The following LARGE1 variants were observed in gnomAD, a reference collection of about 807,000 sequenced individuals.
LARGE1 encodes the protein xylosyl- and glucuronyltransferase LARGE1.
Under a neutral mutation model 87.6 loss-of-function variants are expected in LARGE1, and 43 were observed. The observed-to-expected ratio is 0.49, with a 90% CI of 0.38 to 0.63. The LOEUF is 0.63. Among genes scored for constraint, LARGE1 ranks in the 30% least tolerant of loss-of-function variants. The pLI is 0.00. For missense variants in LARGE1, 802 were observed against 1,000.2 expected (o/e 0.80, Z 2.67); for synonymous variants, 434 against 394.6 (o/e 1.10, Z -1.18).
chr22:33,863,747 G>A (rs1456220450), intron 1 of LARGE1, among the ~76,000 whole-genome samples: 1 of 150,534 alleles, frequency 6.6e-6, no homozygotes, highest in African/African-American at 2.5e-5. Flanking sequence ...CAGCCTGGAT[G>A]ACAGAGCGAG....
At chr22:33,790,472 T>C (rs1032835635) in intron 1 of LARGE1, among the ~76,000 whole-genome samples, 8 of 145,294 alleles carry the variant, frequency 5.5e-5, no homozygotes, top group Non-Finnish European at 7.8e-5. Flanking sequence ...TTTAAACCAA[T>C]TTTTTTTTCT....
intron 6 of LARGE1, among the ~76,000 whole-genome samples, chr22:33,482,622 C>G (rs1473370875): frequency 6.6e-6 from 1 of 152,052 alleles, no homozygotes; most frequent in Non-Finnish European, 1.5e-5. Context: ...TGCAGCAAAC[C>G]ATCATGGCAC....
At chr22:33,126,603 G>A in the LARGE1 span, among the ~76,000 whole-genome samples, 3 of 152,172 alleles carry the variant, frequency 2.0e-5, no homozygotes, top group African/African-American at 7.2e-5. Context: ...AAAAAGCTAT[G>A]TTCTTTGTGG....
chr22:33,789,284 G>T (rs1352206647), intron 1 of LARGE1, among the ~76,000 whole-genome samples: 2 of 152,228 alleles, frequency 1.3e-5, no homozygotes, highest in Non-Finnish European at 2.9e-5. Flanking sequence ...GGGCCTGGGG[G>T]TAAAGAGAAG....
At chr22:33,086,610 C>T in the LARGE1 span, among the ~76,000 whole-genome samples, 13 of 142,322 alleles carry the variant, frequency 9.1e-5, no homozygotes, top group Admixed American at 3.0e-4. Flanking sequence ...TAGAGTGCAG[C>T]GGCGTGATCT....
chr22:33,122,758 A>T, the LARGE1 span, among the ~76,000 whole-genome samples: 1 of 152,222 alleles, frequency 6.6e-6, no homozygotes, highest in Non-Finnish European at 1.5e-5. Context: ...ACTCCTGTAC[A>T]AACTTCCCTG....
At chr22:33,531,977 C>A (rs1375438399) in intron 6 of LARGE1, among the ~76,000 whole-genome samples, 1 of 152,206 alleles carries the variant, frequency 6.6e-6, no homozygotes, top group Non-Finnish European at 1.5e-5. Context: ...CCTGAAGCCT[C>A]AGGAGTGCCT....
At chr22:33,648,302 G>A (rs569779052) in intron 3 of LARGE1, among the ~76,000 whole-genome samples, 37 of 152,308 alleles carry the variant, frequency 2.4e-4, no homozygotes, top group Admixed American at 3.3e-4. Context: ...GATTACAGAA[G>A]GAAGAGAAAT....
chr22:33,716,277 TAAA>T (rs2082905325), intron 2 of LARGE1, among the ~76,000 whole-genome samples: 1 of 152,202 alleles, frequency 6.6e-6, no homozygotes, highest in African/African-American at 2.4e-5. Context: ...ATATTTATAC[TAAA>T]AAAATTGGCC....
the LARGE1 span, among the ~76,000 whole-genome samples, chr22:33,103,560 C>T: frequency 4.3e-3 from 651 of 151,098 alleles, 6 homozygotes; most frequent in Admixed American, 6.1e-3. Flanking sequence ...GAGATGTGCT[C>T]TTGCTGGGCT....
intron 2 of LARGE1, among the ~76,000 whole-genome samples, chr22:33,665,291 TC>T (rs2081236083): frequency 6.6e-6 from 1 of 152,190 alleles, no homozygotes; most frequent in Non-Finnish European, 1.5e-5. Context: ...TATTTGCCTG[TC>T]TCCACCTCAT....
chr22:33,467,352 G>T (rs1601970802), intron 6 of LARGE1, among the ~76,000 whole-genome samples: 2 of 152,312 alleles, frequency 1.3e-5, no homozygotes, highest in East Asian at 3.9e-4. Flanking sequence ...CCAATCTCAA[G>T]CTGTTTTCCT....
intron 1 of LARGE1, among the ~76,000 whole-genome samples, chr22:33,868,756 T>A (rs1162962572): frequency 1.3e-5 from 2 of 152,186 alleles, no homozygotes; most frequent in Non-Finnish European, 2.9e-5. Context: ...ACCTATCATG[T>A]CAAATCCCAA....
intron 11 of LARGE1, among the ~76,000 whole-genome samples, chr22:33,240,313 A>G (rs1926452753): frequency 6.6e-6 from 1 of 152,168 alleles, no homozygotes; most frequent in Non-Finnish European, 1.5e-5. Flanking sequence ...GTCTTTGCTC[A>G]TTTTTATTAG....
chr22:33,117,162 A>C, the LARGE1 span, among the ~76,000 whole-genome samples: 22 of 152,338 alleles, frequency 1.4e-4, no homozygotes, highest in East Asian at 4.2e-3. Context: ...CTACCTTCCT[A>C]GTTACCTTCC....
At position 33,675,006 on chromosome 22, in the gene LARGE1, C is replaced by T. The variant is rs578083276; in HGVS notation, c.107-24338G>A. ...AAGTTTGTTTGCTTAAAAATGAACA[C>T]AAGAGGCCAGGCGCGGTGACTCATG... On this transcript the variant is annotated intron_variant, in intron 2 of 14. Coordinates refer to ENST00000397394, the MANE Select transcript of LARGE1 (RefSeq NM_133642.5). 4.0e-4 allele frequency among the ~76,000 whole-genome samples: 61 copies of T among 151,560 alleles called. No homozygotes were observed. The South Asian group carries it at 0.012, about 29-fold the overall frequency.
intron 3 of LARGE1, among the ~76,000 whole-genome samples, chr22:33,647,243 TAACAG>T (rs1368872053): frequency 1.3e-5 from 2 of 152,214 alleles, no homozygotes; most frequent in Non-Finnish European, 2.9e-5. Flanking sequence ...GTGACCACAG[TAACAG>T]AACTCCAGAA....
At chr22:33,678,984 AATAG>A (rs1327574331) in intron 2 of LARGE1, among the ~76,000 whole-genome samples, 2 of 152,252 alleles carry the variant, frequency 1.3e-5, no homozygotes, top group African/African-American at 2.4e-5. Flanking sequence ...TTGTATAAAA[AATAG>A]ATAGCAAGCC....
At chr22:33,315,190 C>T (rs149384799) in intron 11 of LARGE1, among the ~76,000 whole-genome samples, 190 of 152,262 alleles carry the variant, frequency 1.2e-3, no homozygotes, top group African/African-American at 4.4e-3. Context: ...CCTGGCTACA[C>T]GTTATAAGCT....
Sources: allele counts gnomAD v4.1 joint callset (sites outside exome capture counted in the v4.1 genomes callset), GRCh38; gene constraint gnomAD v4.1.1; transcripts MANE v1.5; gene names NCBI Gene and HGNC (gene_info 2026-07-23, HGNC 2026-07-21).